ARHGAP32: variants seen among roughly 807,000 people sequenced by gnomAD.
The protein encoded by ARHGAP32 is rho GTPase-activating protein 32.
A neutral mutation model predicts 186.5 loss-of-function variants in ARHGAP32; 51 were observed. The observed-to-expected ratio is 0.27, with a 90% CI of 0.22 to 0.35. ARHGAP32 has a LOEUF of 0.35. Among genes scored for constraint, ARHGAP32 ranks in the 10% least tolerant of loss-of-function variants. The probability of loss-of-function intolerance (pLI) is 1.00; values close to 1 mark genes in which losing one functional copy is unlikely to be tolerated. For synonymous variants in ARHGAP32, 950 were observed against 964.3 expected (o/e 0.99, Z 0.27); for missense variants, 2,186 against 2,623.5 (o/e 0.83, Z 3.64).
At chr11:129,274,078 A>G (rs1945503785) in intron 1 of ARHGAP32, among the ~76,000 whole-genome samples, 1 of 151,976 alleles carries the variant, frequency 6.6e-6, no homozygotes. Context: ...CTGAACATTC[A>G]GATTCATGTT....
In ARHGAP32 at chr11:129,245,539, T is replaced by C. The variant is rs1239723924; in HGVS notation, c.-5+33607A>G. On this transcript the variant is annotated intron_variant, in intron 1 of 6. Transcript: ENST00000525234. ...GGGTGCAGCGCACCAGCATGGCACA[T>C]GTATACATATGTAACTAACCTGCAC... 4.2e-4 allele frequency among the ~76,000 whole-genome samples: 63 copies of C among 150,530 alleles called. 1 individual carries two copies. Among genetic ancestry groups the C allele is most frequent in the Non-Finnish European group, 1.5e-5 (1 of 67,550 alleles).
At chr11:129,075,185 G>A (rs138176344) in intron 6 of ARHGAP32, among the ~76,000 whole-genome samples, 102 of 152,036 alleles carry the variant, frequency 6.7e-4, no homozygotes, top group African/African-American at 2.4e-3. Flanking sequence ...AAACATCAGT[G>A]GTCTAACATA....
Position 128,976,615 on chromosome 11 carries a change from G to A in ARHGAP32, c.2142C>T (p.Thr714=). Residue 714 remains threonine (T), a synonymous_variant, in exon 20 of 23, where the codon ACC becomes ACT. Transcript: ENST00000682385. ...MALKGGRAEG[T]LRSAKSEESL... is the part of the protein sequence containing the mutation. Reference sequence around the variant, plus strand: ...ACTCCTCACTTTTAGCTGAACGGAGGGTTCCTTCTGCCCTGCCACCTGAAG... The same window carrying A: ...ACTCCTCACTTTTAGCTGAACGGAGAGTTCCTTCTGCCCTGCCACCTGAAG... The A allele has an allele frequency of 6.2e-7, 1 of 1,613,876 alleles. No individual in the cohort carries two copies. Among genetic ancestry groups the A allele is most frequent in the Non-Finnish European group, 8.5e-7 (1 of 1,179,872 alleles).
chr11:128,980,912 G>A (rs1945689822), intron 17 of ARHGAP32, among the ~76,000 whole-genome samples, 164 bp from the exon 18 acceptor site: 2 of 152,144 alleles, frequency 1.3e-5, no homozygotes, highest in African/African-American at 4.8e-5. Flanking sequence ...AAAAACTGAA[G>A]GGGACATACC....
At chr11:129,250,125 G>C (rs769546320) in intron 1 of ARHGAP32, among the ~76,000 whole-genome samples, 1 of 152,076 alleles carries the variant, frequency 6.6e-6, no homozygotes, top group Non-Finnish European at 1.5e-5. Flanking sequence ...GGTGAAGTGG[G>C]AGGACTGCTT....
chr11:129,180,572 G>A (rs1944034539), intron 1 of ARHGAP32, among the ~76,000 whole-genome samples: 1 of 151,956 alleles, frequency 6.6e-6, no homozygotes, highest in African/African-American at 2.4e-5. Context: ...TACATTATGG[G>A]CCATGCAATG....
At position 128,996,060 on chromosome 11, in the gene ARHGAP32, G is replaced by A. The variant is rs561005320; in HGVS notation, c.1195+2259C>T. On this transcript the variant is annotated intron_variant, in intron 12 of 22. Coordinates refer to ENST00000682385, the MANE Select transcript of ARHGAP32 (RefSeq NM_001378024.1). ...AGAACCTTCTGAAACCAACGATTCT[G>A]AACCTATTGGTAAAAATCACTACTA... 9.9e-5 allele frequency among the ~76,000 whole-genome samples: 15 copies of A among 152,254 alleles called. No individual in the cohort carries two copies. In the East Asian group the frequency reaches 2.7e-3, roughly 27 times the overall value.
intron 1 of ARHGAP32, among the ~76,000 whole-genome samples, chr11:129,205,431 T>C (rs570578637): frequency 1.3e-5 from 2 of 152,308 alleles, no homozygotes; most frequent in African/African-American, 4.8e-5. Flanking sequence ...AACAACAGTA[T>C]TATCCTTGAG....
intron 5 of ARHGAP32, among the ~76,000 whole-genome samples, chr11:129,118,388 G>C (rs1942431383): frequency 6.6e-6 from 1 of 151,812 alleles, no homozygotes; most frequent in African/African-American, 2.4e-5. Context: ...TTTATGCTTA[G>C]AAATTAATGG....
rs1446011565 is a variant in ARHGAP32 at position 128,965,133 on chromosome 11, T to C, written c.*3774A>G. On this transcript the variant is annotated 3_prime_UTR_variant, in exon 23 of 23. Coordinates refer to ENST00000682385, the MANE Select transcript of ARHGAP32 (RefSeq NM_001378024.1). ...GGGACATTTGCTTTAAACCACAAGA[T>C]ATCTCCATCTCCAGGTACAAAAATC... is the stretch of plus-strand genomic sequence containing the variant. The C allele has an allele frequency of 6.6e-6, 1 of 152,076 alleles. No homozygotes were observed. Among genetic ancestry groups the C allele is most frequent in the Non-Finnish European group, 1.5e-5 (1 of 68,032 alleles). 9.4% of individuals were successfully genotyped at this position (152,076 alleles called of 1,614,324 possible).
intron 2 of ARHGAP32, among the ~76,000 whole-genome samples, chr11:129,152,236 A>G (rs906272204): frequency 6.6e-6 from 1 of 152,162 alleles, no homozygotes; most frequent in African/African-American, 2.4e-5. Flanking sequence ...AGATTCAAAC[A>G]GTAATTTTTA....
rs1946231018 is a variant in ARHGAP32, at chr11:128,997,454, T to G, written c.1195+865A>C. ...TTACCATTGTTTTTCACTAATGGTC[T>G]TCTCAAAAGGCACAATGGGTATTTC... On this transcript the variant is annotated intron_variant, in intron 12 of 22. Transcript: ENST00000682385. Among the ~76,000 whole-genome samples the G allele has an allele frequency of 2.0e-5, 3 of 152,322 alleles. No homozygotes were observed. The South Asian group carries it at 6.2e-4, about 32-fold the overall frequency.
At position 128,988,710 on chromosome 11, in the gene ARHGAP32, T is replaced by G. The variant is rs115855675; in HGVS notation, c.1196-585A>C. On this transcript the variant is annotated intron_variant, in intron 12 of 22. Coordinates refer to ENST00000682385, the MANE Select transcript of ARHGAP32 (RefSeq NM_001378024.1). The stretch of plus-strand genomic sequence containing the variant: ...ATTTCAAACAGATGGAATCTTGTAA[T>G]TTCCTGGCCATATTTACATTAACTT... Among the ~76,000 whole-genome samples, 163 of 152,350 alleles carry G rather than the reference T, an allele frequency of 1.1e-3. 1 individual carries two copies. The highest frequency in any genetic ancestry group is 3.5e-3 in the African/African-American group (147 of 41,586).
At chr11:129,054,559 A>G (rs1357286583) in intron 10 of ARHGAP32, among the ~76,000 whole-genome samples, 1 of 152,210 alleles carries the variant, frequency 6.6e-6, no homozygotes, top group Admixed American at 6.5e-5. Flanking sequence ...CCTAAAATAT[A>G]TTAACATGTT....
chr11:129,000,703 G>A (rs776010948), intron 11 of ARHGAP32, among the ~76,000 whole-genome samples: 3 of 151,982 alleles, frequency 2.0e-5, no homozygotes, highest in African/African-American at 7.2e-5. Flanking sequence ...GCTATCAAAT[G>A]CTAGGTCTTA....
At chr11:129,249,481 G>T (rs1381253328) in intron 1 of ARHGAP32, among the ~76,000 whole-genome samples, 1 of 152,130 alleles carries the variant, frequency 6.6e-6, no homozygotes, top group East Asian at 1.9e-4. Flanking sequence ...AAAGACAGAT[G>T]CTAATGCCAG....
intron 9 of ARHGAP32, among the ~76,000 whole-genome samples, chr11:129,063,296 T>C (rs7101500): frequency 0.027 from 4,119 of 152,268 alleles, 112 homozygotes; most frequent in African/African-American, 0.068. Flanking sequence ...TAAAAAGTTA[T>C]ACTGTTATTT....
chr11:129,214,738 C>G (rs527997514), intron 1 of ARHGAP32, among the ~76,000 whole-genome samples: 4 of 152,318 alleles, frequency 2.6e-5, no homozygotes, highest in African/African-American at 9.6e-5. Context: ...CATTTGCTTA[C>G]GCGTGACTTC....
intron 10 of ARHGAP32, among the ~76,000 whole-genome samples, chr11:129,046,532 G>A (rs967159266): frequency 2.0e-5 from 3 of 152,152 alleles, no homozygotes; most frequent in Non-Finnish European, 4.4e-5. Context: ...AACCAGGAGA[G>A]ATGTAAAGGG....
Sources: allele counts gnomAD v4.1 joint callset (sites outside exome capture counted in the v4.1 genomes callset), GRCh38; gene constraint gnomAD v4.1.1; transcripts MANE v1.5; gene names NCBI Gene and HGNC (gene_info 2026-07-23, HGNC 2026-07-21).